Variants in PSMA5 observed in about 807,000 individuals in gnomAD.
PSMA5 encodes the protein proteasome 20S subunit alpha 5.
In PSMA5, 3 loss-of-function variants were observed where a neutral mutation model predicts 34.5. That is an observed-to-expected ratio of 0.09 (90% CI 0.04 to 0.22). The LOEUF (loss-of-function observed/expected upper bound fraction) is 0.22. PSMA5 is among the 10% of genes least tolerant of loss of function. The pLI is 1.00. For missense variants in PSMA5, 120 were observed against 286.1 expected, an observed-to-expected ratio of 0.42 and a Z score of 4.19; for synonymous variants, 88 against 95.8, an observed-to-expected ratio of 0.92 and a Z score of 0.47.
intron 2 of PSMA5, among the ~76,000 whole-genome samples, chr1:109,417,526 C>T (rs1414459215): frequency 6.6e-6 from 1 of 152,194 alleles, no homozygotes; most frequent in Non-Finnish European, 1.5e-5. Flanking sequence ...CCCCCACTCC[C>T]GTGGAAGACT....
At chr1:109,406,022 A>C (rs1400994405) in intron 8 of PSMA5, among the ~76,000 whole-genome samples, 1 of 152,214 alleles carries the variant, frequency 6.6e-6, no homozygotes, top group Admixed American at 6.5e-5. Flanking sequence ...TTCTCGTGTG[A>C]ATGACAAGTA....
intron 6 of PSMA5, 86 bp downstream of exon 6, chr1:109,411,791 A>G: frequency 7.5e-7 from 1 of 1,331,888 alleles, no homozygotes. Flanking sequence ...CCTGGCTAAC[A>G]GTCTACAATA....
intron 8 of PSMA5, among the ~76,000 whole-genome samples, chr1:109,409,159 TTTTTA>T (rs1055027136): frequency 6.6e-6 from 1 of 152,196 alleles, no homozygotes; most frequent in Admixed American, 6.5e-5. Flanking sequence ...CCTTTCATTC[TTTTTA>T]TTTTATTTTT....
chr1:109,421,478 G>C (rs1322181172), intron 2 of PSMA5, among the ~76,000 whole-genome samples: 3 of 137,444 alleles, frequency 2.2e-5, no homozygotes, highest in Non-Finnish European at 4.5e-5. Context: ...AAAAAAAAAA[G>C]AAAGAAAAAG....
chr1:109,426,230 C>G (rs1174814523), intron 1 of PSMA5, 72 bp downstream of exon 1: 1 of 1,590,190 alleles, frequency 6.3e-7, no homozygotes, highest in Non-Finnish European at 8.6e-7. Flanking sequence ...CACGGCAGAA[C>G]CCAGGCCGCG....
At chr1:109,407,036 G>A (rs2100955883) in intron 8 of PSMA5, among the ~76,000 whole-genome samples, 1 of 152,308 alleles carries the variant, frequency 6.6e-6, no homozygotes, top group East Asian at 1.9e-4. Flanking sequence ...AGGCTGGAGT[G>A]CAGTGGCGCG....
chr1:109,405,447 GTT>G (rs11390638), intron 8 of PSMA5, among the ~76,000 whole-genome samples: 164 of 118,278 alleles, frequency 1.4e-3, no homozygotes, highest in African/African-American at 4.8e-3. Flanking sequence ...GTCAGAAAAG[GTT>G]TTTTTTTTTT....
intron 8 of PSMA5, among the ~76,000 whole-genome samples, chr1:109,407,580 G>GT (rs775064997): frequency 2.2e-4 from 33 of 152,230 alleles, no homozygotes; most frequent in Non-Finnish European, 2.2e-4. Context: ...AAATATCCTG[G>GT]TAAGTACTGA....
intron 8 of PSMA5, 110 bp from the exon 9 acceptor site, chr1:109,402,200 G>A (rs566383400): frequency 2.9e-6 from 2 of 692,858 alleles, no homozygotes; most frequent in Admixed American, 2.7e-5. Flanking sequence ...TAGGAACTAA[G>A]GGATCTGCTG....
In PSMA5 at chr1:109,401,990, G is replaced by GA. The variant is rs1653551378; in HGVS notation, c.*22dup. 1 of 1,546,030 alleles carries GA rather than the reference G, an allele frequency of 6.5e-7. No individual in the cohort carries two copies. The highest frequency in any genetic ancestry group is 1.4e-5 in the African/African-American group (1 of 73,068). On this transcript the variant is annotated 3_prime_UTR_variant, in exon 9 of 9. Coordinates refer to ENST00000271308, the MANE Select transcript of PSMA5 (RefSeq NM_002790.4). ...TTATTAGAACTGAAATTGTCCCAGA[G>GA]AAGTTCTGAGGATCAGGATTCCTTA...
At chr1:109,421,773 G>A (rs1445526433) in intron 2 of PSMA5, 87 bp downstream of exon 2, 1 of 1,087,704 alleles carries the variant, frequency 9.2e-7, no homozygotes, top group African/African-American at 1.6e-5. Context: ...CTAAAGGAAT[G>A]GTTAAACCAC....
intron 3 of PSMA5, among the ~76,000 whole-genome samples, chr1:109,414,300 TC>T (rs1400193140): frequency 3.9e-5 from 6 of 152,252 alleles, no homozygotes; most frequent in Non-Finnish European, 7.3e-5. Flanking sequence ...TTTCATGGAA[TC>T]CTTTTCTGAA....
intron 8 of PSMA5, among the ~76,000 whole-genome samples, chr1:109,404,762 A>G (rs1653676181): frequency 6.6e-6 from 1 of 152,260 alleles, no homozygotes; most frequent in African/African-American, 2.4e-5. Flanking sequence ...ACCAATAATT[A>G]ATTACTAAGC....
At chr1:109,419,798 C>CCAA (rs1654363057) in intron 2 of PSMA5, among the ~76,000 whole-genome samples, 7 of 31,024 alleles carry the variant, frequency 2.3e-4, no homozygotes, top group African/African-American at 8.3e-4. Flanking sequence ...GACTCCGTCT[C>CCAA]AAAAAAAAAA....
chr1:109,405,447 G>GTTT lies in PSMA5; in HGVS notation c.649-3360_649-3358dup, dbSNP rs11390638. 5.4e-3 allele frequency among the ~76,000 whole-genome samples: 640 copies of GTTT among 118,192 alleles called. 18 individuals are homozygous for GTTT. The highest frequency in any genetic ancestry group is 0.01 in the African/African-American group (323 of 31,464). The allele number at this position is 118,192 out of a possible 152,430, so 77.5% of individuals were successfully genotyped here. ...TCACAGACAATAGAAGTCAGAAAAGGTTTTTTTTTTTTTTTTTTTTGAGAC... is the reference window on the plus strand; with the variant it reads ...TCACAGACAATAGAAGTCAGAAAAGGTTTTTTTTTTTTTTTTTTTTTTTGAGAC... On this transcript the variant is annotated intron_variant, in intron 8 of 8. Transcript: ENST00000271308.
At chr1:109,403,958 G>A (rs1447548301) in intron 8 of PSMA5, among the ~76,000 whole-genome samples, 1 of 152,054 alleles carries the variant, frequency 6.6e-6, no homozygotes, top group South Asian at 2.1e-4. Context: ...CAAAATATAG[G>A]TAAACAATTA....
Position 109,421,944 on chromosome 1 carries a change from A to T in PSMA5, c.30-18T>A. ...TCACGCCCCTATAATTTAAAAAAAA[A>T]TTATTAATTATACTCATAAAAACTA... On this transcript the variant is annotated intron_variant, in intron 1 of 8. Transcript: ENST00000271308. 7.0e-7 allele frequency: 1 copy of T among 1,433,786 alleles called. No individual in the cohort carries two copies. The highest frequency in any genetic ancestry group is 1.5e-5 in the South Asian group (1 of 66,792). The allele number at this position is 1,433,786 out of a possible 1,614,324, so 88.8% of individuals were successfully genotyped here.
At chr1:109,403,986 T>C (rs975669258) in intron 8 of PSMA5, among the ~76,000 whole-genome samples, 1 of 152,208 alleles carries the variant, frequency 6.6e-6, no homozygotes, top group African/African-American at 2.4e-5. Context: ...ATGTAGACCA[T>C]GAGTTCCATT....
At chr1:109,426,255 G>C (rs761694695) in intron 1 of PSMA5, 47 bp downstream of exon 1, 1 of 1,609,940 alleles carries the variant, frequency 6.2e-7, no homozygotes, top group South Asian at 1.1e-5. Context: ...CAGGTCCCGG[G>C]CCTGCCCACC....
Sources: allele counts gnomAD v4.1 joint callset (sites outside exome capture counted in the v4.1 genomes callset), GRCh38; gene constraint gnomAD v4.1.1; transcripts MANE v1.5; gene names NCBI Gene and HGNC (gene_info 2026-07-23, HGNC 2026-07-21).